The following CNFN variants were observed in gnomAD, a reference collection of about 807,000 sequenced individuals.
CNFN encodes cornefied envelope protein cornefilin.
CNFN carries 10 observed loss-of-function variants against 14.9 expected under a neutral mutation model. That is an observed-to-expected ratio of 0.67 (90% confidence interval 0.41 to 1.14). The LOEUF (loss-of-function observed/expected upper bound fraction) is 1.14. Ranked by LOEUF, CNFN falls within the 50% of genes most tolerant of loss-of-function variation. The probability of loss-of-function intolerance (pLI) is 0.00; values close to 1 mark genes in which losing one functional copy is unlikely to be tolerated. For synonymous variants in CNFN, 66 were observed against 60.0 expected, an observed-to-expected ratio of 1.10 and a Z score of -0.46; for missense variants, 165 against 152.8, an observed-to-expected ratio of 1.08 and a Z score of -0.42.
intron 1 of CNFN, 108 bp from the exon 2 acceptor site, chr19:42,389,147 G>T: frequency 1.3e-6 from 1 of 785,570 alleles, no homozygotes. Flanking sequence ...GGGCCGCCAG[G>T]CCGCCCACTG....
intron 1 of CNFN, among the ~76,000 whole-genome samples, chr19:42,389,796 C>T (rs1328579543): frequency 6.6e-6 from 1 of 152,218 alleles, no homozygotes; most frequent in Non-Finnish European, 1.5e-5. Flanking sequence ...AGGACCCTCC[C>T]CATACCCGAG....
chr19:42,387,503 C>A (rs1568585732), intron 2 of CNFN, 27 bp from the exon 3 acceptor site: 3 of 1,501,922 alleles, frequency 2.0e-6, no homozygotes, highest in Admixed American at 2.2e-5. Flanking sequence ...CGCTCAGGGG[C>A]GGGGCCAGCC....
chr19:42,387,380 T>G lies in CNFN; in HGVS notation c.209A>C (p.His70Pro). 6.2e-7 allele frequency: 1 copy of G among 1,600,202 alleles called. No homozygotes were observed. Among genetic ancestry groups the G allele is most frequent in the Non-Finnish European group, 8.5e-7 (1 of 1,174,862 alleles). The stretch of plus-strand genomic sequence containing the variant: ...CTCCCGCATGCCGGTGCGGATGGAG[T>G]GCAGGCCTCCGGGCAGGTAGGGCGC... ...CCAPYLPGGL[H>P]SIRTGMRERY... is the part of the protein sequence containing the mutation. Residue 70 changes from histidine to proline, a missense_variant, in exon 3 of 4, where the codon CAC becomes CCC. His to Pro is a moderately conservative substitution (Grantham distance 77). Transcript: ENST00000222032.
chr19:42,389,694 G>A (rs2039883942), intron 1 of CNFN: 2 of 432,738 alleles, frequency 4.6e-6, no homozygotes, highest in Non-Finnish European at 8.8e-6. Context: ...GGCCAAGTCA[G>A]CCTGTCAACC....
At chr19:42,387,518 C>A in intron 2 of CNFN, 42 bp from the exon 3 acceptor site, 2 of 1,487,662 alleles carry the variant, frequency 1.3e-6, no homozygotes, top group Non-Finnish European at 1.8e-6. Flanking sequence ...CCAGCCGGGG[C>A]CTCCCGACGG....
intron 2 of CNFN, among the ~76,000 whole-genome samples, chr19:42,387,752 C>T (rs1428554352): frequency 7.1e-6 from 1 of 140,520 alleles, no homozygotes; most frequent in Non-Finnish European, 1.5e-5. Context: ...GAGGCCTAGG[C>T]GGGAGGATCA....
Position 42,387,033 on chromosome 19 carries a change from T to C in CNFN, c.*120A>G. 1 of 993,138 alleles carries C rather than the reference T, an allele frequency of 1.0e-6. No individual in the cohort carries two copies. The highest frequency in any genetic ancestry group is 1.6e-6 in the Non-Finnish European group (1 of 643,748). The allele number at this position is 993,138 out of a possible 1,614,324, so 61.5% of individuals were successfully genotyped here. A position where few individuals can be genotyped will look rare whatever the true frequency, so the allele number is the denominator to read the frequency against. ...TGTAGGCGGAGTTGGTTTTCAGGTT[T>C]TTATTGTGGGTGTATTTCTGGCAGC... On this transcript the variant is annotated 3_prime_UTR_variant, in exon 4 of 4. Coordinates refer to ENST00000222032, the MANE Select transcript of CNFN (RefSeq NM_032488.4).
intron 1 of CNFN, 104 bp downstream of exon 1, chr19:42,390,136 C>A (rs12165130): frequency 0.045 from 6,988 of 155,362 alleles, 501 homozygotes; most frequent in African/African-American, 0.16. Flanking sequence ...CGACAATCAG[C>A]GATATGAAAG....
At chr19:42,389,697 T>G in intron 1 of CNFN, 1 of 425,788 alleles carries the variant, frequency 2.3e-6, no homozygotes, top group Non-Finnish European at 4.5e-6. Flanking sequence ...CAAGTCAGCC[T>G]GTCAACCAGG....
chr19:42,388,438 C>T (rs2039872566), intron 2 of CNFN, among the ~76,000 whole-genome samples: 1 of 152,142 alleles, frequency 6.6e-6, no homozygotes. Context: ...TGTGGTCCAC[C>T]TGCCATGGCC....
At position 42,387,451 on chromosome 19, in the gene CNFN, C is replaced by G. The variant is rs1457070580; in HGVS notation, c.138G>C (p.Leu46=). The G allele has an allele frequency of 6.3e-7, 1 of 1,594,188 alleles. No homozygotes were observed. The highest frequency in any genetic ancestry group is 1.1e-5 in the South Asian group (1 of 88,422). The change falls in exon 3 of 4, where the codon CTG becomes CTC. Residue 46 remains leucine, a synonymous_variant. Transcript: ENST00000222032. ...CGTCGGAGATGCGGCAGGCAAGGCACAGAGGAGCAAAAGTGCCGCACAGAC... is the reference window on the plus strand; with the variant it reads ...CGTCGGAGATGCGGCAGGCAAGGCAGAGAGGAGCAAAAGTGCCGCACAGAC... ...PVCLCGTFAP[L]CLACRISDDF...
rs186266122 is a variant in CNFN, at chr19:42,390,286, G to A, written c.-49C>T. ...GATGGAGGCAGACGTGTGGAGACAC[G>A]GGCACTGACTTCTCCGTCTCAGCCC... On this transcript the variant is annotated 5_prime_UTR_variant, in exon 1 of 4. Coordinates refer to ENST00000222032, the MANE Select transcript of CNFN (RefSeq NM_032488.4). 2.1e-3 allele frequency: 318 copies of A among 152,582 alleles called. 1 individual carries two copies. The highest frequency in any genetic ancestry group is 3.4e-3 in the Middle Eastern group (1 of 294). 9.5% of individuals were successfully genotyped at this position (152,582 alleles called of 1,614,324 possible). A position where few individuals can be genotyped will look rare whatever the true frequency, so the allele number is the denominator to read the frequency against.
At chr19:42,388,450 C>T (rs2039872669) in intron 2 of CNFN, among the ~76,000 whole-genome samples, 2 of 152,108 alleles carry the variant, frequency 1.3e-5, no homozygotes, top group Non-Finnish European at 2.9e-5. Context: ...GCCATGGCCT[C>T]CCAAAGTCCT....
In CNFN at chr19:42,387,171, T is replaced by C. The variant is rs2147529877; in HGVS notation, c.321A>G (p.Glu107=). Residue 107 remains glutamate (E), a synonymous_variant, in exon 4 of 4, where the codon GAA becomes GAG. Transcript: ENST00000222032. The part of the protein sequence containing the change: ...LPCALCQMAR[E]LKIRE Reference sequence around the variant, plus strand: ...AACTTCCTTACTCTCGGATCTTCAGTTCCCGCGCCATCTGGCAGAGGGCGC... The same window carrying C: ...AACTTCCTTACTCTCGGATCTTCAGCTCCCGCGCCATCTGGCAGAGGGCGC... 6.2e-7 allele frequency: 1 copy of C among 1,614,170 alleles called. No homozygotes were observed. The highest frequency in any genetic ancestry group is 8.5e-7 in the Non-Finnish European group (1 of 1,180,016).
intron 2 of CNFN, among the ~76,000 whole-genome samples, 198 bp from the exon 3 acceptor site, chr19:42,387,674 C>CT (rs1303771648): frequency 1.6e-3 from 205 of 127,848 alleles, no homozygotes; most frequent in South Asian, 0.015. Flanking sequence ...TTTTTTTCTT[C>CT]TTTTTTTTTT....
intron 1 of CNFN, chr19:42,389,700 C>A: frequency 2.4e-6 from 1 of 420,400 alleles, no homozygotes; most frequent in South Asian, 1.8e-5. Flanking sequence ...GTCAGCCTGT[C>A]AACCAGGAGA....
At chr19:42,387,671 C>A (rs543384971) in intron 2 of CNFN, among the ~76,000 whole-genome samples, 195 bp from the exon 3 acceptor site, 4 of 136,426 alleles carry the variant, frequency 2.9e-5, no homozygotes, top group Non-Finnish European at 6.5e-5. Context: ...TTTTTTTTTT[C>A]TTCTTTTTTT....
At chr19:42,387,537 C>G (rs2039862477) in intron 2 of CNFN, 61 bp from the exon 3 acceptor site, 1 of 1,322,658 alleles carries the variant, frequency 7.6e-7, no homozygotes, top group Admixed American at 2.7e-5. Flanking sequence ...GGCTCCGCCC[C>G]GGGGGGGGCG....
At chr19:42,388,383 C>T (rs1481255175) in intron 2 of CNFN, among the ~76,000 whole-genome samples, 2 of 151,796 alleles carry the variant, frequency 1.3e-5, no homozygotes, top group Non-Finnish European at 2.9e-5. Context: ...TTAGTAGAGA[C>T]GGGGTTTCAC....
Sources: gnomAD v4.1 joint callset for allele counts (sites outside exome capture counted in the v4.1 genomes callset) on GRCh38, gnomAD v4.1.1 for gene constraint, MANE v1.5 for transcripts, NCBI Gene and HGNC (gene_info 2026-07-23, HGNC 2026-07-21) for gene names.